The following DCP2 variants were observed in gnomAD, a reference collection of about 807,000 sequenced individuals.
DCP2 encodes the protein decapping mRNA 2, also known as m7GpppN-mRNA hydrolase.
DCP2 carries 30 observed loss-of-function variants against 56.1 expected under a neutral mutation model. The observed-to-expected ratio is 0.53, with a 90% CI of 0.40 to 0.73. The LOEUF (loss-of-function observed/expected upper bound fraction) is 0.73. DCP2 is among the 30% of genes least tolerant of loss of function. The pLI, the probability that DCP2 is intolerant of heterozygous loss-of-function variation, is 0.00. For missense variants in DCP2, 533 were observed against 502.7 expected (o/e 1.06, Z -0.58); for synonymous variants, 197 against 163.3 (o/e 1.21, Z -1.57).
chr5:112,978,561 A>G lies in DCP2; in HGVS notation c.53+1575A>G, dbSNP rs1448924580. Reference sequence around the variant, plus strand: ...CAAAAGTACATACAGAAAAGTAAATAGCCTAATTTTGCAACTAATACAAAT... The same window carrying G: ...CAAAAGTACATACAGAAAAGTAAATGGCCTAATTTTGCAACTAATACAAAT... On this transcript the variant is annotated intron_variant, in intron 1 of 10. Coordinates refer to ENST00000389063, the MANE Select transcript of DCP2 (RefSeq NM_152624.6). Among the ~76,000 whole-genome samples, 3 of 152,206 alleles carry G rather than the reference A, an allele frequency of 2.0e-5. No homozygotes were observed. The East Asian group carries it at 5.8e-4, about 29-fold the overall frequency.
rs1373946348 is a variant in DCP2, at chr5:113,008,157, T to C, written c.1047+115T>C. 6 of 850,216 alleles carry C rather than the reference T, an allele frequency of 7.1e-6. No individual in the cohort carries two copies. The Admixed American group carries it at 1.3e-4, about 18-fold the overall frequency. 52.7% of individuals were successfully genotyped at this position (850,216 alleles called of 1,614,324 possible). A position where few individuals can be genotyped will look rare whatever the true frequency, so the allele number is the denominator to read the frequency against. On this transcript the variant is annotated intron_variant, in intron 9 of 10. Coordinates refer to ENST00000389063, the MANE Select transcript of DCP2 (RefSeq NM_152624.6). ...TTTGTTCTTATTTTAATTGATATAC[T>C]AGTAGGATTTTTGTGTAGCTGACTT...
At chr5:113,010,258 C>G (rs181277646) in intron 9 of DCP2, among the ~76,000 whole-genome samples, 2 of 147,756 alleles carry the variant, frequency 1.4e-5, no homozygotes, top group Admixed American at 1.4e-4. Context: ...GTTACCCAGA[C>G]TGGTCTTGAA....
Position 113,021,568 on chromosome 5 carries a change from CAATAGG to C in DCP2, c.*8089_*8094del, listed in dbSNP as rs1434257201. ...AAGTTTGTGCTAGAATCAGGTTTTG[CAATAGG>C]AATACTTAACTTTGGATCTCAAGGG... On this transcript the variant is annotated 3_prime_UTR_variant, in exon 11 of 11. Transcript: ENST00000389063. Among the ~76,000 whole-genome samples the C allele has an allele frequency of 6.6e-6, 1 of 152,078 alleles. No individual in the cohort carries two copies. The highest frequency in any genetic ancestry group is 1.5e-5 in the Non-Finnish European group (1 of 68,012).
intron 8 of DCP2, among the ~76,000 whole-genome samples, chr5:113,005,151 G>GGTGTGTGTGGGTGTGTGTGT (rs1554101209): frequency 9.0e-4 from 134 of 149,522 alleles, no homozygotes; most frequent in African/African-American, 3.2e-3. Flanking sequence ...TGTGCGTGTG[G>GGTGTGTGTGGGTGTGTGTGT]GTGTGTGTGT....
Position 112,984,686 on chromosome 5 carries a change from T to TTAAAAAAA in DCP2, c.54-1149_54-1148insTAAAAAAA, listed in dbSNP as rs377352438. The TTAAAAAAA allele has an allele frequency of 3.4e-5, 3 of 89,490 alleles. 1 individual carries two copies. Among genetic ancestry groups the TTAAAAAAA allele is most frequent in the Non-Finnish European group, 2.1e-5 (1 of 48,062 alleles). The allele number at this position is 89,490 out of a possible 1,614,324, so 5.5% of individuals were successfully genotyped here. ...TGCAGTGTTGTTTTTATTTCTTAAT[T>TTAAAAAAA]AAAAAAAAAAAAAAAAAATATATAT... is the stretch of plus-strand genomic sequence containing the variant. On this transcript the variant is annotated intron_variant, in intron 1 of 10. Transcript: ENST00000389063.
chr5:112,985,270 G>T (rs33546), intron 1 of DCP2, among the ~76,000 whole-genome samples: 40,320 of 151,856 alleles, frequency 0.27, 5,511 homozygotes, highest in Middle Eastern at 0.37. Context: ...ATATGTAAAA[G>T]AAATATGTCT....
rs1261760632 is a variant in DCP2 at position 113,020,849 on chromosome 5, A to G, written c.*7365A>G. The G allele has an allele frequency of 6.6e-6, 1 of 152,246 alleles. No homozygotes were observed. The highest frequency in any genetic ancestry group is 1.5e-5 in the Non-Finnish European group (1 of 68,042). The allele number at this position is 152,246 out of a possible 1,614,324, so 9.4% of individuals were successfully genotyped here. On this transcript the variant is annotated 3_prime_UTR_variant, in exon 11 of 11. Coordinates refer to ENST00000389063, the MANE Select transcript of DCP2 (RefSeq NM_152624.6). ...TAAAAGCCTTTTAATCTTACAAAAT[A>G]CAATTTGAACGATGGAAGGTTGTTC...
intron 1 of DCP2, among the ~76,000 whole-genome samples, chr5:112,983,181 G>T (rs1748090041): frequency 6.6e-6 from 1 of 152,154 alleles, no homozygotes; most frequent in Non-Finnish European, 1.5e-5. Flanking sequence ...GATGAAGTCT[G>T]GGTTTCTCTT....
intron 1 of DCP2, among the ~76,000 whole-genome samples, chr5:112,981,110 G>C (rs1222669840): frequency 6.6e-6 from 1 of 152,006 alleles, no homozygotes; most frequent in African/African-American, 2.4e-5. Flanking sequence ...CTGGACTCAA[G>C]CTATCCACTT....
rs60251393 is a variant in DCP2 at position 113,000,061 on chromosome 5, C to CAA, written c.433-1003_433-1002dup. Among the ~76,000 whole-genome samples the CAA allele has an allele frequency of 3.9e-3, 352 of 89,766 alleles. 4 individuals carry two copies. The East Asian group carries it at 0.066, about 17-fold the overall frequency. 58.9% of individuals were successfully genotyped at this position (89,766 alleles called of 152,430 possible). ...GGGCAACAAGAGCGAAACTCCATCT[C>CAA]AAAAAAAAAAAAAAAAAAAAAGAAG... On this transcript the variant is annotated intron_variant, in intron 4 of 10. Transcript: ENST00000389063.
chr5:113,002,677 GCC>G (rs1749234849), intron 7 of DCP2, among the ~76,000 whole-genome samples: 1 of 151,948 alleles, frequency 6.6e-6, no homozygotes, highest in Non-Finnish European at 1.5e-5. Flanking sequence ...ATGCCACTAA[GCC>G]TGGCTAATTT....
chr5:112,986,094 T>C (rs1748271077), intron 2 of DCP2, 108 bp downstream of exon 2: 1 of 1,116,796 alleles, frequency 9.0e-7, no homozygotes, highest in Admixed American at 2.6e-5. Context: ...GAGAAAAACA[T>C]ACTTGATTGC....
At chr5:112,988,449 G>C (rs183096986) in intron 2 of DCP2, among the ~76,000 whole-genome samples, 2,106 of 136,618 alleles carry the variant, frequency 0.015, 46 homozygotes, top group Non-Finnish European at 0.017. Context: ...CCGAGTTCGC[G>C]CCACTGCACT....
chr5:112,990,392 A>G, intron 2 of DCP2, among the ~76,000 whole-genome samples: 1 of 152,200 alleles, frequency 6.6e-6, no homozygotes, highest in South Asian at 2.1e-4. Context: ...GATACAGACA[A>G]GAGTATCCCA....
intron 9 of DCP2, among the ~76,000 whole-genome samples, chr5:113,010,357 ATTAG>A (rs1232888252): frequency 6.6e-6 from 1 of 151,946 alleles, no homozygotes; most frequent in Non-Finnish European, 1.5e-5. Flanking sequence ...CCTCAGCTAA[ATTAG>A]TTAGCCCTGG....
chr5:113,021,577 TACTTA>T lies in DCP2; in HGVS notation c.*8098_*8102del, dbSNP rs1172920732. ...CTAGAATCAGGTTTTGCAATAGGAATACTTAACTTTGGATCTCAAGGGGGAAAGAA... is the reference window on the plus strand; with the variant it reads ...CTAGAATCAGGTTTTGCAATAGGAATACTTTGGATCTCAAGGGGGAAAGAA... On this transcript the variant is annotated 3_prime_UTR_variant, in exon 11 of 11. Transcript: ENST00000389063. Among the ~76,000 whole-genome samples the T allele has an allele frequency of 6.6e-6, 1 of 152,148 alleles. No individual in the cohort carries two copies. Among genetic ancestry groups the T allele is most frequent in the Non-Finnish European group, 1.5e-5 (1 of 68,000 alleles).
At chr5:112,987,605 A>T (rs2150172258) in intron 2 of DCP2, among the ~76,000 whole-genome samples, 1 of 134,232 alleles carries the variant, frequency 7.4e-6, no homozygotes, top group East Asian at 2.3e-4. Flanking sequence ...GGTGCAAGCC[A>T]CCACACCTAG....
intron 4 of DCP2, among the ~76,000 whole-genome samples, chr5:112,997,278 A>G (rs1479073591): frequency 1.3e-5 from 2 of 152,220 alleles, no homozygotes; most frequent in African/African-American, 2.4e-5. Context: ...GATGTTTTCT[A>G]GATATTGTCG....
rs1474818549 is a variant in DCP2 at position 113,021,298 on chromosome 5, C to T, written c.*7814C>T. 6.8e-6 allele frequency among the ~76,000 whole-genome samples: 1 copy of T among 147,108 alleles called. No homozygotes were observed. Among genetic ancestry groups the T allele is most frequent in the East Asian group, 2.0e-4 (1 of 4,980 alleles). ...AGGAGAATCTCTTGACCCCGGGAGG[C>T]AGAGGTCGCAGTGAGCTGAGATCAC... is the stretch of plus-strand genomic sequence containing the variant. On this transcript the variant is annotated 3_prime_UTR_variant, in exon 11 of 11. Transcript: ENST00000389063.
Sources: gnomAD v4.1 joint callset for allele counts (sites outside exome capture counted in the v4.1 genomes callset) on GRCh38, gnomAD v4.1.1 for gene constraint, MANE v1.5 for transcripts, NCBI Gene and HGNC (gene_info 2026-07-23, HGNC 2026-07-21) for gene names.